The following CLEC4A variants were observed in gnomAD, a reference collection of about 807,000 sequenced individuals.
CLEC4A encodes the protein C-type lectin domain family 4 member A.
In CLEC4A, 27 loss-of-function variants were observed where a neutral mutation model predicts 32.7. That is an observed-to-expected ratio of 0.83 (90% confidence interval 0.61 to 1.14). The LOEUF (loss-of-function observed/expected upper bound fraction) is 1.14, where lower values mean the gene tolerates loss of function less well. Among genes scored for constraint, CLEC4A ranks in the 50% most tolerant of loss-of-function variants. The pLI is 0.00. For synonymous variants in CLEC4A, 89 were observed against 93.7 expected, an observed-to-expected ratio of 0.95 and a Z score of 0.29; for missense variants, 253 against 274.6, an observed-to-expected ratio of 0.92 and a Z score of 0.55.
the CLEC4A span, among the ~76,000 whole-genome samples, chr12:8,113,625 A>T: frequency 6.6e-6 from 1 of 152,222 alleles, no homozygotes; most frequent in Admixed American, 6.5e-5. Context: ...CAGAATTAGC[A>T]AACCTCAGAA....
At chr12:8,126,546 A>C (rs556027625) in intron 2 of CLEC4A, among the ~76,000 whole-genome samples, 66 of 152,104 alleles carry the variant, frequency 4.3e-4, no homozygotes, top group Non-Finnish European at 6.0e-4. Flanking sequence ...CATAAAAAGC[A>C]GTATACATTT....
At chr12:8,116,019 G>A in the CLEC4A span, among the ~76,000 whole-genome samples, 1 of 152,064 alleles carries the variant, frequency 6.6e-6, no homozygotes, top group East Asian at 1.9e-4. Context: ...CCGGAGTGCA[G>A]GTGTGATCTC....
At chr12:8,120,500 A>G (rs1246412590), upstream of CLEC4A, among the ~76,000 whole-genome samples, 1 of 152,226 alleles carries the variant, frequency 6.6e-6, no homozygotes, top group African/African-American at 2.4e-5. Flanking sequence ...TAACTGCAAC[A>G]TGATGCAATA....
intron 2 of CLEC4A, among the ~76,000 whole-genome samples, chr12:8,128,528 A>G (rs920769209): frequency 1.3e-5 from 2 of 150,866 alleles, no homozygotes; most frequent in Non-Finnish European, 2.9e-5. Flanking sequence ...CTCCTTCCTC[A>G]GCTTCCCGAG....
At chr12:8,137,642 A>G (rs1405904179) in intron 5 of CLEC4A, among the ~76,000 whole-genome samples, 1 of 152,216 alleles carries the variant, frequency 6.6e-6, no homozygotes, top group East Asian at 1.9e-4. Flanking sequence ...ATATTACTCT[A>G]GTCCTTATTT....
chr12:8,114,491 G>C, the CLEC4A span, among the ~76,000 whole-genome samples: 1 of 152,168 alleles, frequency 6.6e-6, no homozygotes. Context: ...TGATCCACCC[G>C]CCTCAGCCTC....
chr12:8,133,394 T>C (rs1948035140), intron 3 of CLEC4A, among the ~76,000 whole-genome samples: 1 of 152,182 alleles, frequency 6.6e-6, no homozygotes, highest in Admixed American at 6.5e-5. Flanking sequence ...ACATTTTCTG[T>C]TGTTTTGTCT....
At chr12:8,124,038 G>A (rs1368952863) in intron 1 of CLEC4A, 78 bp downstream of exon 1, 5 of 936,452 alleles carry the variant, frequency 5.3e-6, no homozygotes, top group South Asian at 5.3e-5. Flanking sequence ...AGGCATAGGT[G>A]TTTTCAGTTG....
chr12:8,128,996 C>T (rs1374175313), intron 2 of CLEC4A, among the ~76,000 whole-genome samples: 3 of 151,956 alleles, frequency 2.0e-5, no homozygotes, highest in Non-Finnish European at 4.4e-5. Flanking sequence ...AAGAGTTAGC[C>T]TTTGCATGCA....
chr12:8,109,339 A>G, the CLEC4A span, among the ~76,000 whole-genome samples: 48,728 of 151,914 alleles, frequency 0.32, 8,119 homozygotes, highest in East Asian at 0.44. Context: ...CCCTCCTCCT[A>G]GCTCCACCCA....
upstream of CLEC4A, among the ~76,000 whole-genome samples, chr12:8,119,212 A>G (rs1480123821): frequency 2.0e-5 from 3 of 152,214 alleles, no homozygotes; most frequent in Non-Finnish European, 4.4e-5. Flanking sequence ...AAAATAAGAT[A>G]GATTTTTTAT....
chr12:8,102,910 G>A, the CLEC4A span, among the ~76,000 whole-genome samples: 2 of 152,108 alleles, frequency 1.3e-5, no homozygotes, highest in Non-Finnish European at 2.9e-5. Flanking sequence ...TCCTGTAGGA[G>A]GACTTAAGAG....
rs539900860 is a variant in CLEC4A, at chr12:8,124,646, G to A, written c.82+686G>A. Among the ~76,000 whole-genome samples the A allele has an allele frequency of 4.4e-4, 67 of 152,284 alleles. 1 individual carries two copies. The South Asian group carries it at 6.0e-3, about 14-fold the overall frequency. The stretch of plus-strand genomic sequence containing the variant: ...AGAAAAGAATGTATATAGAGTACAA[G>A]AAACTATGGGGGAAGGGGTCAGGAC... On this transcript the variant is annotated intron_variant, in intron 1 of 5. Transcript: ENST00000229332.
At chr12:8,134,337 C>T (rs764667939) in intron 3 of CLEC4A, 3 of 1,611,766 alleles carry the variant, frequency 1.9e-6, no homozygotes, top group Non-Finnish European at 1.7e-6. Flanking sequence ...CCAAATAGAA[C>T]CCCCAGGGTG....
intron 3 of CLEC4A, among the ~76,000 whole-genome samples, chr12:8,132,797 C>T (rs1948021730): frequency 6.6e-6 from 1 of 152,042 alleles, no homozygotes; most frequent in South Asian, 2.1e-4. Flanking sequence ...TTGCTTTATA[C>T]ATTTTGCAGC....
chr12:8,111,868 CT>C, the CLEC4A span, among the ~76,000 whole-genome samples: 21 of 142,594 alleles, frequency 1.5e-4, no homozygotes, highest in Middle Eastern at 3.7e-3. Flanking sequence ...AAAACTTCAA[CT>C]TTTTTTTTTA....
the CLEC4A span, among the ~76,000 whole-genome samples, chr12:8,117,853 T>C: frequency 6.6e-6 from 1 of 152,154 alleles, no homozygotes; most frequent in Non-Finnish European, 1.5e-5. Flanking sequence ...GAGAATTAGA[T>C]GCCAAAAAGA....
At chr12:8,112,842 A>T in the CLEC4A span, among the ~76,000 whole-genome samples, 1 of 152,238 alleles carries the variant, frequency 6.6e-6, no homozygotes, top group Non-Finnish European at 1.5e-5. Flanking sequence ...AGATAATATA[A>T]GTTGGTACTC....
At chr12:8,124,037 T>A (rs1464447014) in intron 1 of CLEC4A, 77 bp downstream of exon 1, 9 of 935,540 alleles carry the variant, frequency 9.6e-6, no homozygotes, top group Non-Finnish European at 1.6e-5. Flanking sequence ...AAGGCATAGG[T>A]GTTTTCAGTT....
Sources: allele counts gnomAD v4.1 joint callset (sites outside exome capture counted in the v4.1 genomes callset), GRCh38; gene constraint gnomAD v4.1.1; transcripts MANE v1.5; gene names NCBI Gene and HGNC (gene_info 2026-07-23, HGNC 2026-07-21).